NRXN1: variants seen among roughly 807,000 people sequenced by gnomAD.
The protein encoded by NRXN1 is neurexin-1.
In NRXN1, 39 loss-of-function variants were observed where a neutral mutation model predicts 150.9. The observed-to-expected ratio is 0.26, with a 90% CI of 0.20 to 0.34. The LOEUF (loss-of-function observed/expected upper bound fraction) is 0.34, where lower values mean the gene tolerates loss of function less well. NRXN1 is among the 10% of genes least tolerant of loss of function. The pLI is 1.00. For missense variants in NRXN1, 1,815 were observed against 1,949.9 expected, an observed-to-expected ratio of 0.93 and a Z score of 1.30; for synonymous variants, 924 against 757.0, an observed-to-expected ratio of 1.22 and a Z score of -3.62.
At chr2:50,461,302 C>T (rs2088181669) in intron 17 of NRXN1, among the ~76,000 whole-genome samples, 1 of 151,946 alleles carries the variant, frequency 6.6e-6, no homozygotes, top group African/African-American at 2.4e-5. Context: ...CCACACCCTC[C>T]TAAGCTGTAG....
intron 17 of NRXN1, among the ~76,000 whole-genome samples, chr2:50,461,941 G>GA (rs564411012): frequency 1.1e-3 from 174 of 152,056 alleles, no homozygotes; most frequent in African/African-American, 4.0e-3. Flanking sequence ...GTGTAATGTT[G>GA]TTCAGAAAGC....
At chr2:50,638,995 A>C (rs753864615) in intron 5 of NRXN1, among the ~76,000 whole-genome samples, 1 of 152,096 alleles carries the variant, frequency 6.6e-6, no homozygotes, top group Non-Finnish European at 1.5e-5. Flanking sequence ...AATTGATTTC[A>C]TAATCCACCA....
At chr2:50,378,982 G>A (rs1391899441) in intron 17 of NRXN1, among the ~76,000 whole-genome samples, 1 of 152,118 alleles carries the variant, frequency 6.6e-6, no homozygotes, top group African/African-American at 2.4e-5. Context: ...GAGAGATTAT[G>A]GACCTTGCCT....
At chr2:50,472,529 C>A in intron 15 of NRXN1, 58 bp from the exon 16 acceptor site, 1 of 1,376,518 alleles carries the variant, frequency 7.3e-7, no homozygotes, top group Non-Finnish European at 1.0e-6. Flanking sequence ...TTTAAACACA[C>A]AGTAGGATGG....
In NRXN1 at chr2:50,621,129, A is replaced by G. The variant is rs921153304; in HGVS notation, c.1158+97T>C. 28 of 1,071,408 alleles carry G rather than the reference A, an allele frequency of 2.6e-5. No individual in the cohort carries two copies. The Admixed American group carries it at 7.4e-4, about 28-fold the overall frequency. The allele number at this position is 1,071,408 out of a possible 1,614,324, so 66.4% of individuals were successfully genotyped here. A position where few individuals can be genotyped will look rare whatever the true frequency, so the allele number is the denominator to read the frequency against. On this transcript the variant is annotated intron_variant, in intron 7 of 22. Transcript: ENST00000401669. ...ACCAACCGCAGTTCCTCTTTTGTTAATGATGTCTACAGTTAAAAGAAAGAA... is the reference window on the plus strand; with the variant it reads ...ACCAACCGCAGTTCCTCTTTTGTTAGTGATGTCTACAGTTAAAAGAAAGAA...
chr2:50,157,456 T>C (rs2059092951), intron 18 of NRXN1, among the ~76,000 whole-genome samples: 2 of 152,100 alleles, frequency 1.3e-5, no homozygotes, highest in South Asian at 2.1e-4. Flanking sequence ...ATACGTATTT[T>C]ATTCATGAGC....
At chr2:50,286,662 C>G (rs565761700) in intron 17 of NRXN1, among the ~76,000 whole-genome samples, 1 of 152,114 alleles carries the variant, frequency 6.6e-6, no homozygotes, top group Non-Finnish European at 1.5e-5. Flanking sequence ...TTCATCAAAT[C>G]AACAAAACTA....
intron 5 of NRXN1, among the ~76,000 whole-genome samples, chr2:50,792,699 G>A (rs1011938958): frequency 6.6e-6 from 1 of 151,678 alleles, no homozygotes; most frequent in Non-Finnish European, 1.5e-5. Context: ...ACAAGAGAAG[G>A]GTAAACGGTT....
intron 8 of NRXN1, among the ~76,000 whole-genome samples, chr2:50,567,681 A>G (rs1365817637): frequency 3.3e-5 from 5 of 152,158 alleles, no homozygotes; most frequent in Non-Finnish European, 5.9e-5. Flanking sequence ...CGTTGGAAAC[A>G]TATTTATTAA....
chr2:50,847,698 G>A (rs534848951), intron 5 of NRXN1, among the ~76,000 whole-genome samples: 4 of 152,276 alleles, frequency 2.6e-5, no homozygotes, highest in South Asian at 2.1e-4. Context: ...GCTGCTGGAC[G>A]GCGAGAGAAC....
intron 5 of NRXN1, among the ~76,000 whole-genome samples, chr2:50,803,082 T>G (rs1344714002): frequency 6.6e-6 from 1 of 152,188 alleles, no homozygotes; most frequent in Non-Finnish European, 1.5e-5. Context: ...CTTTTTCCAG[T>G]ATTAACAGTA....
intron 18 of NRXN1, among the ~76,000 whole-genome samples, chr2:50,217,596 T>C (rs964530546): frequency 6.6e-6 from 1 of 151,982 alleles, no homozygotes; most frequent in Non-Finnish European, 1.5e-5. Context: ...CCTAAAGAGA[T>C]GGACAGACCG....
chr2:50,992,236 T>C (rs1698641600), intron 2 of NRXN1, among the ~76,000 whole-genome samples: 1 of 152,050 alleles, frequency 6.6e-6, no homozygotes, highest in African/African-American at 2.4e-5. Flanking sequence ...TGTTCTCTTT[T>C]ATTCCTTAAC....
chr2:50,126,408 T>C (rs1180477962), intron 18 of NRXN1, among the ~76,000 whole-genome samples: 1 of 152,094 alleles, frequency 6.6e-6, no homozygotes, highest in Admixed American at 6.6e-5. Context: ...TATTGGAACA[T>C]ACTAAATGTA....
chr2:50,489,633 A>G (rs538240308), intron 15 of NRXN1, among the ~76,000 whole-genome samples: 1 of 152,224 alleles, frequency 6.6e-6, no homozygotes, highest in Admixed American at 6.5e-5. Flanking sequence ...AGTTCACGTG[A>G]TTCTAATGGT....
intron 19 of NRXN1, among the ~76,000 whole-genome samples, chr2:50,060,787 C>A (rs1013738857): frequency 6.6e-6 from 1 of 152,176 alleles, no homozygotes; most frequent in African/African-American, 2.4e-5. Flanking sequence ...GTAAGACATG[C>A]CTTTGCTCCT....
At chr2:49,978,632 T>G (rs1011676106) in intron 21 of NRXN1, among the ~76,000 whole-genome samples, 13 of 146,978 alleles carry the variant, frequency 8.8e-5, no homozygotes, top group African/African-American at 3.3e-4. Context: ...AAGGAAATGT[T>G]AGAAATCTCA....
At chr2:50,776,932 G>T (rs933579643) in intron 5 of NRXN1, among the ~76,000 whole-genome samples, 1 of 152,144 alleles carries the variant, frequency 6.6e-6, no homozygotes, top group Non-Finnish European at 1.5e-5. Context: ...TCTAATGCCA[G>T]TTCTCAAAGC....
chr2:50,026,859 CTTTTTTTTTTTTTTTTTTTTTTTT>C (rs57580154), intron 21 of NRXN1, among the ~76,000 whole-genome samples: 2,223 of 65,328 alleles, frequency 0.034, 99 homozygotes, highest in African/African-American at 0.13. Context: ...CTTTTCTTTT[CTTTTTTTTTTTTTTTTTTTTTTTT>C]TTTTTTTTTT....
Sources: allele counts gnomAD v4.1 joint callset (sites outside exome capture counted in the v4.1 genomes callset), GRCh38; gene constraint gnomAD v4.1.1; transcripts MANE v1.5; gene names NCBI Gene and HGNC (gene_info 2026-07-23, HGNC 2026-07-21).